NPAT: variants seen among roughly 807,000 people sequenced by gnomAD.
NPAT encodes the protein protein NPAT.
A neutral mutation model predicts 130.7 loss-of-function variants in NPAT; 52 were observed. That is an observed-to-expected ratio of 0.40 (90% CI 0.32 to 0.50). NPAT has a LOEUF of 0.50. Ranked by LOEUF, NPAT falls within the 20% of genes least tolerant of loss-of-function variation. The probability of loss-of-function intolerance (pLI) is 0.68; values close to 1 mark genes in which losing one functional copy is unlikely to be tolerated. For missense variants in NPAT, 1,687 were observed against 1,662.6 expected (o/e 1.01, Z -0.26); for synonymous variants, 580 against 584.8 (o/e 0.99, Z 0.12).
chr11:108,213,293 AC>A (rs1322971821), intron 1 of NPAT, among the ~76,000 whole-genome samples: 2 of 152,240 alleles, frequency 1.3e-5, no homozygotes, highest in African/African-American at 4.8e-5. Context: ...ACGAAACAAA[AC>A]AAAAACTATT....
Position 108,183,365 on chromosome 11 carries a change from G to A in NPAT, c.906+1867C>T, listed in dbSNP as rs915419968. ...ACTGACATAGAGAAAAACAATTCAA[G>A]GGCTCAATGGCTTTACTCAGAATTC... is the stretch of plus-strand genomic sequence containing the variant. On this transcript the variant is annotated intron_variant, in intron 10 of 17. Transcript: ENST00000278612. 3.3e-5 allele frequency among the ~76,000 whole-genome samples: 5 copies of A among 152,258 alleles called. No homozygotes were observed. The East Asian group carries it at 9.6e-4, about 29-fold the overall frequency.
chr11:108,220,069 G>A (rs997164711), intron 1 of NPAT, among the ~76,000 whole-genome samples: 1 of 152,206 alleles, frequency 6.6e-6, no homozygotes, highest in African/African-American at 2.4e-5. Context: ...ATGTTAGGAA[G>A]TTGAGATCAA....
At position 108,222,629 on chromosome 11, in the gene NPAT, T is replaced by C. The variant is rs910883026; in HGVS notation, c.-93A>G. ...CCTGCGCCGCATCTCCTGGTTCCAG[T>C]GGCGGCACTGAACTCGCGGCAATTT... is the stretch of plus-strand genomic sequence containing the variant. On this transcript the variant is annotated 5_prime_UTR_variant, in exon 1 of 18. Transcript: ENST00000278612. 9.4e-6 allele frequency: 13 copies of C among 1,378,992 alleles called. No homozygotes were observed. The highest frequency in any genetic ancestry group is 3.7e-5 in the Admixed American group (2 of 54,338). 85.4% of individuals were successfully genotyped at this position (1,378,992 alleles called of 1,614,324 possible). A position where few individuals can be genotyped will look rare whatever the true frequency, so the allele number is the denominator to read the frequency against.
intron 1 of NPAT, among the ~76,000 whole-genome samples, chr11:108,215,219 A>T (rs1423582268): frequency 6.6e-6 from 1 of 152,220 alleles, no homozygotes; most frequent in East Asian, 1.9e-4. Flanking sequence ...CTTAATACTT[A>T]TAAGTATTCC....
At chr11:108,215,220 T>C (rs1030339573) in intron 1 of NPAT, among the ~76,000 whole-genome samples, 1 of 152,218 alleles carries the variant, frequency 6.6e-6, no homozygotes, top group Non-Finnish European at 1.5e-5. Flanking sequence ...TTAATACTTA[T>C]AAGTATTCCC....
chr11:108,190,898 C>T (rs1246980293), intron 4 of NPAT, among the ~76,000 whole-genome samples: 2 of 152,130 alleles, frequency 1.3e-5, no homozygotes, highest in Non-Finnish European at 2.9e-5. Context: ...CATAGCAAGA[C>T]TCTGTCTCTA....
chr11:108,169,134 A>G (rs1388780474), intron 15 of NPAT, among the ~76,000 whole-genome samples: 1 of 152,224 alleles, frequency 6.6e-6, no homozygotes, highest in Non-Finnish European at 1.5e-5. Context: ...AAATACTTGA[A>G]CTAAGAAGGA....
chr11:108,176,505 G>T, intron 11 of NPAT, 131 bp from the exon 12 acceptor site: 1 of 699,436 alleles, frequency 1.4e-6, no homozygotes, highest in Non-Finnish European at 2.4e-6. Context: ...AAAAAATGTT[G>T]CTTTTAATAT....
chr11:108,215,568 T>A (rs1462760776), intron 1 of NPAT, among the ~76,000 whole-genome samples: 1 of 152,216 alleles, frequency 6.6e-6, no homozygotes, highest in Non-Finnish European at 1.5e-5. Flanking sequence ...TCCAACTTTA[T>A]AACGTTCTAC....
intron 5 of NPAT, 74 bp downstream of exon 5, chr11:108,190,386 C>T (rs777340424): frequency 1.9e-4 from 184 of 971,226 alleles, no homozygotes; most frequent in Non-Finnish European, 2.5e-4. Context: ...CACATGTGTA[C>T]AATGAATTAA....
intron 13 of NPAT, 134 bp from the exon 14 acceptor site, chr11:108,170,177 C>A: frequency 3.2e-6 from 2 of 622,258 alleles, no homozygotes; most frequent in East Asian, 3.0e-5. Flanking sequence ...ACGATCCACT[C>A]TCCAAAAACA....
intron 7 of NPAT, among the ~76,000 whole-genome samples, chr11:108,186,843 A>G (rs929335077): frequency 2.6e-5 from 4 of 152,188 alleles, no homozygotes; most frequent in Admixed American, 6.5e-5. Context: ...TGTTCGGTTG[A>G]AAAAAACTTG....
chr11:108,217,026 T>C (rs545775965), intron 1 of NPAT, among the ~76,000 whole-genome samples: 2 of 152,304 alleles, frequency 1.3e-5, no homozygotes, highest in African/African-American at 4.8e-5. Context: ...AAAAATCAAT[T>C]TCTGGCTGAG....
intron 1 of NPAT, among the ~76,000 whole-genome samples, chr11:108,215,108 C>T (rs2078420755): frequency 6.6e-6 from 1 of 152,178 alleles, no homozygotes; most frequent in African/African-American, 2.4e-5. Context: ...TTTGCTTGGG[C>T]AGCTAATCTT....
chr11:108,165,663 C>T lies in NPAT; in HGVS notation c.3011-3483G>A, dbSNP rs536205120. Among the ~76,000 whole-genome samples, 129 of 150,362 alleles carry T rather than the reference C, an allele frequency of 8.6e-4. 1 individual carries two copies. The highest frequency in any genetic ancestry group is 2.8e-3 in the African/African-American group (115 of 41,038). Reference sequence around the variant, plus strand: ...TTTTTTTTTTTGAGACGGAGTCTCACTCTGTCGCCCAGGCTGGAGTGCAGT... The same window carrying T: ...TTTTTTTTTTTGAGACGGAGTCTCATTCTGTCGCCCAGGCTGGAGTGCAGT... On this transcript the variant is annotated intron_variant, in intron 15 of 17. Transcript: ENST00000278612.
intron 15 of NPAT, among the ~76,000 whole-genome samples, chr11:108,162,805 C>G (rs1244493823): frequency 6.6e-6 from 1 of 152,166 alleles, no homozygotes; most frequent in Non-Finnish European, 1.5e-5. Context: ...GTACTACTTA[C>G]ATCCAGGTAG....
Position 108,172,230 on chromosome 11 carries a change from G to A in NPAT, c.2754C>T (p.Val918=), listed in dbSNP as rs1565310322. 6.2e-7 allele frequency: 1 copy of A among 1,614,080 alleles called. No homozygotes were observed. Among genetic ancestry groups the A allele is most frequent in the Non-Finnish European group, 8.5e-7 (1 of 1,179,934 alleles). Residue 918 remains valine, a synonymous_variant, in exon 13 of 18, where the codon GTC becomes GTT. Transcript: ENST00000278612. The part of the protein sequence containing the change: ...TPPRSNSVFA[V]NQAVSPNFSQ... The stretch of plus-strand genomic sequence containing the variant: ...AAAAGTTTGGTGACACAGCTTGGTT[G>A]ACAGCAAATACACTGTTTGACCTTG...
At chr11:108,172,086 T>C in intron 13 of NPAT, 113 bp downstream of exon 13, 1 of 908,298 alleles carries the variant, frequency 1.1e-6, no homozygotes. Context: ...TTTCAGAATC[T>C]TTTCTCATAC....
intron 1 of NPAT, among the ~76,000 whole-genome samples, chr11:108,201,154 C>T (rs940422644): frequency 6.6e-5 from 10 of 152,162 alleles, no homozygotes; most frequent in African/African-American, 2.2e-4. Context: ...AAATCTAAGG[C>T]TCAGCTCTGT....
Sources: allele counts gnomAD v4.1 joint callset (sites outside exome capture counted in the v4.1 genomes callset), GRCh38; gene constraint gnomAD v4.1.1; transcripts MANE v1.5; gene names NCBI Gene and HGNC (gene_info 2026-07-23, HGNC 2026-07-21).